Variants in TMC2 observed in about 807,000 individuals in gnomAD.
TMC2 encodes the protein transmembrane channel-like protein 2.
In TMC2, 102 loss-of-function variants were observed where a neutral mutation model predicts 105.9. The ratio of observed to expected loss-of-function variants is 0.96; its 90% CI spans 0.82 to 1.14. TMC2 has a LOEUF of 1.14. TMC2 is among the 50% of genes most tolerant of loss of function. The pLI is 0.00. For synonymous variants in TMC2, 402 were observed against 422.8 expected (o/e 0.95, Z 0.60); for missense variants, 1,093 against 1,134.3 (o/e 0.96, Z 0.52).
chr20:2,560,279 A>AT lies in TMC2; in HGVS notation c.401+1505_401+1506insT, dbSNP rs1555771377. ...CATGAAGTATGGCAAAAAAAAAAAA[A>AT]ATATCTCTGTGTTCTAGGCTTTTCA... On this transcript the variant is annotated intron_variant, in intron 3 of 19. Coordinates refer to ENST00000358864, the MANE Select transcript of TMC2 (RefSeq NM_080751.3). Among the ~76,000 whole-genome samples the AT allele has an allele frequency of 7.5e-3, 1,135 of 152,146 alleles. 10 individuals are homozygous for AT. Among genetic ancestry groups the AT allele is most frequent in the African/African-American group, 0.025 (1,057 of 41,502 alleles).
chr20:2,539,139 G>T (rs757895436), intron 2 of TMC2, among the ~76,000 whole-genome samples: 1 of 152,194 alleles, frequency 6.6e-6, no homozygotes, highest in Non-Finnish European at 1.5e-5. Flanking sequence ...TACATAGGAG[G>T]AGGCCTGTTA....
intron 4 of TMC2, among the ~76,000 whole-genome samples, chr20:2,563,089 TCCC>T (rs549749803): frequency 6.6e-6 from 1 of 152,244 alleles, no homozygotes; most frequent in Non-Finnish European, 1.5e-5. Context: ...GGAGTGGCAC[TCCC>T]CCCGTTTCCT....
Position 2,642,857 on chromosome 20 carries a change from C to T in TMC2, c.*1506C>T, listed in dbSNP as rs1200152015. The stretch of plus-strand genomic sequence containing the variant: ...TAAAGAGAGTCAGCCACCTTAACCT[C>T]ATCAACTGTTACAGCCACCACCCAA... On this transcript the variant is annotated 3_prime_UTR_variant, in exon 20 of 20. Transcript: ENST00000358864. Among the ~76,000 whole-genome samples, 1 of 152,150 alleles carries T rather than the reference C, an allele frequency of 6.6e-6. No individual in the cohort carries two copies. The highest frequency in any genetic ancestry group is 6.5e-5 in the Admixed American group (1 of 15,274).
chr20:2,584,908 A>G (rs1033893341), intron 7 of TMC2, among the ~76,000 whole-genome samples: 2 of 152,108 alleles, frequency 1.3e-5, no homozygotes, highest in African/African-American at 4.8e-5. Context: ...CCACCACACA[A>G]CTGAAATATA....
chr20:2,569,869 C>T (rs934242668), intron 4 of TMC2, among the ~76,000 whole-genome samples: 3 of 152,176 alleles, frequency 2.0e-5, no homozygotes, highest in Non-Finnish European at 4.4e-5. Flanking sequence ...GTAGCCCCTC[C>T]AGAGGGGCCC....
At chr20:2,539,436 A>G (rs2085873734) in intron 2 of TMC2, among the ~76,000 whole-genome samples, 1 of 152,222 alleles carries the variant, frequency 6.6e-6, no homozygotes, top group Non-Finnish European at 1.5e-5. Context: ...GCTGGGAAGT[A>G]TGCTTGGTAC....
chr20:2,596,452 C>T lies in TMC2; in HGVS notation c.1077-699C>T, dbSNP rs561515440. ...TTCGAGACCAGCCTGGCCAACATGG[C>T]AAAACCCCATCTCTACCAAAAATAC... On this transcript the variant is annotated intron_variant, in intron 9 of 19. Coordinates refer to ENST00000358864, the MANE Select transcript of TMC2 (RefSeq NM_080751.3). Among the ~76,000 whole-genome samples the T allele has an allele frequency of 2.0e-5, 3 of 152,048 alleles. No individual in the cohort carries two copies. In the East Asian group the frequency reaches 5.8e-4, roughly 30 times the overall value.
intron 1 of TMC2, 26 bp downstream of exon 1, chr20:2,536,681 G>C: frequency 6.4e-7 from 1 of 1,565,580 alleles, no homozygotes; most frequent in Non-Finnish European, 8.7e-7. Context: ...GATCCTGCGG[G>C]GCCCGCCCAC....
chr20:2,543,623 A>G (rs1436310394), intron 2 of TMC2, among the ~76,000 whole-genome samples: 1 of 152,224 alleles, frequency 6.6e-6, no homozygotes, highest in Non-Finnish European at 1.5e-5. Context: ...CTAGAAAAAT[A>G]AAGACATGCT....
At chr20:2,632,932 A>C (rs1172614605) in intron 17 of TMC2, among the ~76,000 whole-genome samples, 1 of 152,182 alleles carries the variant, frequency 6.6e-6, no homozygotes, top group Admixed American at 6.5e-5. Context: ...CTTAAATAGT[A>C]TTATATGGCA....
In TMC2 at chr20:2,617,164, GC is replaced by G. The variant is rs1483726531; in HGVS notation, c.2034del (p.Ser678ArgfsTer83). On this transcript the variant is annotated frameshift_variant, in exon 16 of 20. Transcript: ENST00000358864. LOFTEE classifies it high-confidence loss of function. The stretch of plus-strand genomic sequence containing the variant: ...TTCCAGTGCTGGGCGGTGATGAGCA[GC>G]AACGTACCCCATGAACGCGTGTTCA... ...MYFQCWAVMS[S>X]NVPHERVFKA... 1 of 1,614,214 alleles carries G rather than the reference GC, an allele frequency of 6.2e-7. No individual in the cohort carries two copies. The highest frequency in any genetic ancestry group is 1.1e-5 in the South Asian group (1 of 91,088).
chr20:2,641,462 T>C lies in TMC2; in HGVS notation c.*111T>C. 1.5e-6 allele frequency: 1 copy of C among 667,064 alleles called. No individual in the cohort carries two copies. The highest frequency in any genetic ancestry group is 2.6e-6 in the Non-Finnish European group (1 of 385,630). 41.3% of individuals were successfully genotyped at this position (667,064 alleles called of 1,614,324 possible). A position where few individuals can be genotyped will look rare whatever the true frequency, so the allele number is the denominator to read the frequency against. On this transcript the variant is annotated 3_prime_UTR_variant, in exon 20 of 20. Coordinates refer to ENST00000358864, the MANE Select transcript of TMC2 (RefSeq NM_080751.3). ...TCTTTCCTCTCACATACATGCTCTGTCTCCTCTCTTGGAATGCATGAACTT... is the reference window on the plus strand; with the variant it reads ...TCTTTCCTCTCACATACATGCTCTGCCTCCTCTCTTGGAATGCATGAACTT...
At chr20:2,566,467 C>T (rs2086065221) in intron 4 of TMC2, among the ~76,000 whole-genome samples, 1 of 152,092 alleles carries the variant, frequency 6.6e-6, no homozygotes, top group African/African-American at 2.4e-5. Context: ...GCTTCTAGTG[C>T]CCATGAATCA....
chr20:2,613,679 C>T (rs1490015629), intron 14 of TMC2: 4 of 325,144 alleles, frequency 1.2e-5, no homozygotes, highest in East Asian at 8.0e-5. Context: ...ACAGTGGAGG[C>T]GAATATTTCA....
In TMC2 at chr20:2,558,221, G is replaced by A. The variant is rs2085996326; in HGVS notation, c.83-235G>A. 7.1e-6 allele frequency: 7 copies of A among 985,276 alleles called. No individual in the cohort carries two copies. Among genetic ancestry groups the A allele is most frequent in the Non-Finnish European group, 1.0e-5 (7 of 699,450 alleles). The allele number at this position is 985,276 out of a possible 1,614,324, so 61.0% of individuals were successfully genotyped here. ...CCTGTCACAGGAGGTCTTCAAGGGA[G>A]ACGGGAGGGAGAAGGCCAGAGAGTG... On this transcript the variant is annotated intron_variant, in intron 2 of 19. Transcript: ENST00000358864. This position sits in a 1 kb window ranked among gnomAD's most constrained non-coding sequence, Gnocchi z 4.6.
intron 7 of TMC2, among the ~76,000 whole-genome samples, chr20:2,585,447 G>A (rs773744346): frequency 3.3e-5 from 5 of 151,110 alleles, no homozygotes; most frequent in African/African-American, 7.3e-5. Context: ...CTATTTTTTC[G>A]CTGAATACAA....
rs1321218378 is a variant in TMC2 at position 2,558,181 on chromosome 20, G to T, written c.83-275G>T. On this transcript the variant is annotated intron_variant, in intron 2 of 19. Transcript: ENST00000358864. This position sits in a 1 kb window ranked among gnomAD's most constrained non-coding sequence, Gnocchi z 4.6. ...CTCTGTGTGACTTTCCTTTCCTTGG[G>T]TATAGGGCAGGACACCTGTCACAGG... 6.7e-6 allele frequency: 4 copies of T among 600,210 alleles called. No individual in the cohort carries two copies. The highest frequency in any genetic ancestry group is 1.1e-5 in the Non-Finnish European group (4 of 371,744). The allele number at this position is 600,210 out of a possible 1,614,324, so 37.2% of individuals were successfully genotyped here.
At chr20:2,608,282 G>C (rs896608462) in intron 11 of TMC2, among the ~76,000 whole-genome samples, 3 of 146,712 alleles carry the variant, frequency 2.0e-5, no homozygotes, top group African/African-American at 7.5e-5. Context: ...TACCTTCCCA[G>C]TTGTACCCTT....
intron 11 of TMC2, among the ~76,000 whole-genome samples, chr20:2,604,159 C>T (rs2086372128): frequency 6.6e-6 from 1 of 152,198 alleles, no homozygotes; most frequent in Non-Finnish European, 1.5e-5. Context: ...CAGCCACTGC[C>T]AAAATCGGGA....
Sources: gnomAD v4.1 joint callset for allele counts (sites outside exome capture counted in the v4.1 genomes callset) on GRCh38, gnomAD v4.1.1 for gene constraint, Gnocchi (gnomAD v3.1) non-coding constraint, MANE v1.5 for transcripts, NCBI Gene and HGNC (gene_info 2026-07-23, HGNC 2026-07-21) for gene names.